The following SEMA4B variants were observed in gnomAD, a reference collection of about 807,000 sequenced individuals.
SEMA4B encodes semaphorin 4B.
SEMA4B carries 55 observed loss-of-function variants against 88.1 expected under a neutral mutation model. That is an observed-to-expected ratio of 0.62 (90% CI 0.50 to 0.78). SEMA4B has a LOEUF of 0.78. Ranked by LOEUF, SEMA4B falls within the 30% of genes least tolerant of loss-of-function variation. The probability of loss-of-function intolerance (pLI) is 0.00; values close to 1 mark genes in which losing one functional copy is unlikely to be tolerated. For synonymous variants in SEMA4B, 525 were observed against 473.6 expected (o/e 1.11, Z -1.41); for missense variants, 1,062 against 1,111.9 (o/e 0.96, Z 0.64).
chr15:90,199,154 G>A (rs562272548), upstream of SEMA4B, among the ~76,000 whole-genome samples: 2 of 152,062 alleles, frequency 1.3e-5, no homozygotes, highest in African/African-American at 2.4e-5. Context: ...GATTACAGGC[G>A]TGAGCCACCA....
chr15:90,225,503 A>C, intron 11 of SEMA4B, 106 bp downstream of exon 11: 1 of 1,302,424 alleles, frequency 7.7e-7, no homozygotes, highest in Non-Finnish European at 1.1e-6. Flanking sequence ...GGAGGATGGA[A>C]AGATAAAGGA....
intron 1 of SEMA4B, among the ~76,000 whole-genome samples, chr15:90,188,483 C>T (rs1198323203): frequency 1.3e-5 from 2 of 149,722 alleles, no homozygotes; most frequent in African/African-American, 4.9e-5. Context: ...CAAAAATTAG[C>T]CAGGCATGGT....
At chr15:90,221,815 C>G (rs751091769) in intron 7 of SEMA4B, 50 bp downstream of exon 7, 2 of 1,583,212 alleles carry the variant, frequency 1.3e-6, no homozygotes, top group South Asian at 1.1e-5. Flanking sequence ...CTCAAAGCCT[C>G]CACAGCTGCA....
At chr15:90,216,542 A>G (rs565467522) in intron 1 of SEMA4B, among the ~76,000 whole-genome samples, 1 of 152,320 alleles carries the variant, frequency 6.6e-6, no homozygotes, top group East Asian at 1.9e-4. Flanking sequence ...TCTGAGGTCA[A>G]AATTGAAAAC....
At chr15:90,215,130 A>G (rs898725614) in intron 1 of SEMA4B, among the ~76,000 whole-genome samples, 4 of 152,034 alleles carry the variant, frequency 2.6e-5, no homozygotes, top group African/African-American at 9.7e-5. Flanking sequence ...TGTTCTCATC[A>G]GCTGCTTAGA....
In SEMA4B at chr15:90,225,676, G is replaced by T; in HGVS notation, c.1537G>T (p.Ala513Ser). ...LDTHRGLLYA[A>S]SHSGVVQVPM... is the part of the protein sequence containing the mutation. ...GGCTGTGCAGGGGCTGCTGTATGCG[G>T]CCTCACACTCGGGCGTAGTCCAGGT... The change falls in exon 12 of 14, where the codon GCC (alanine) becomes TCC (serine). Residue 513 changes from alanine (A) to serine (S), a missense_variant. Transcript: ENST00000411539. The T allele has an allele frequency of 6.4e-7, 1 of 1,566,582 alleles. No homozygotes were observed. The highest frequency in any genetic ancestry group is 8.6e-7 in the Non-Finnish European group (1 of 1,156,772).
At position 90,201,531 on chromosome 15, in the gene SEMA4B, G is replaced by A. The variant is rs1453893526; in HGVS notation, c.-48G>A. On this transcript the variant is annotated 5_prime_UTR_variant, in exon 1 of 14. Transcript: ENST00000411539. ...GGAGCTGCCGCCCGTGAGTCCGGCC[G>A]AGCCACCTGAGCCCGAGCCGCGGGA... 3.7e-6 allele frequency: 5 copies of A among 1,357,512 alleles called. No individual in the cohort carries two copies. In the South Asian group the frequency reaches 5.3e-5, roughly 14 times the overall value. The allele number at this position is 1,357,512 out of a possible 1,614,324, so 84.1% of individuals were successfully genotyped here.
rs1428324687 is a variant in SEMA4B, at chr15:90,225,275, A to G, written c.1406-7A>G. 6.4e-7 allele frequency: 1 copy of G among 1,555,262 alleles called. No individual in the cohort carries two copies. The highest frequency in any genetic ancestry group is 1.2e-5 in the South Asian group (1 of 84,480). On this transcript the variant is annotated splice_polypyrimidine_tract_variant and splice_region_variant and intron_variant, in intron 10 of 13. Coordinates refer to ENST00000411539, the MANE Select transcript of SEMA4B (RefSeq NM_198925.4). ...CACCCAGGGCCTGAGTCCTGTCCAC[A>G]CCCCAGGTGACGGCCGGCTCCACAA...
chr15:90,221,489 C>T lies in SEMA4B; in HGVS notation c.709+9C>T. The T allele has an allele frequency of 6.2e-7, 1 of 1,600,464 alleles. No homozygotes were observed. Among genetic ancestry groups the T allele is most frequent in the Admixed American group, 1.7e-5 (1 of 57,262 alleles). On this transcript the variant is annotated intron_variant, in intron 6 of 13. Transcript: ENST00000411539. ...CCTCAACTGGCTGCAAGGTGAAGTC[C>T]TCTTGCCACCACCCAGAGGGCAGGG...
chr15:90,225,437 G>C (rs1428003663), intron 11 of SEMA4B, 40 bp downstream of exon 11: 9 of 1,523,666 alleles, frequency 5.9e-6, no homozygotes, highest in Non-Finnish European at 8.0e-6. Flanking sequence ...GGTACTTGGG[G>C]GGTGCCCTCC....
At chr15:90,187,267 G>A (rs1344034121) in intron 1 of SEMA4B, among the ~76,000 whole-genome samples, 1 of 152,260 alleles carries the variant, frequency 6.6e-6, no homozygotes, top group African/African-American at 2.4e-5. Flanking sequence ...CTCTAGTCCT[G>A]CCTCTATCCG....
upstream of SEMA4B, among the ~76,000 whole-genome samples, chr15:90,196,792 T>TAC (rs1243316347): frequency 1.2e-4 from 19 of 152,226 alleles, no homozygotes; most frequent in African/African-American, 4.6e-4. Flanking sequence ...CGGCCTCTTC[T>TAC]ACATTATTAA....
intron 1 of SEMA4B, among the ~76,000 whole-genome samples, chr15:90,206,146 G>A (rs988674654): frequency 6.6e-6 from 1 of 152,204 alleles, no homozygotes; most frequent in African/African-American, 2.4e-5. Flanking sequence ...GCTAGACTCG[G>A]GTCATGTCAT....
intron 1 of SEMA4B, chr15:90,185,121 C>T: frequency 2.1e-6 from 2 of 959,914 alleles, no homozygotes; most frequent in South Asian, 4.8e-5. Context: ...GAGCCGCTGC[C>T]CGGGAGGTGG....
chr15:90,218,049 A>T, intron 3 of SEMA4B: 1 of 508,098 alleles, frequency 2.0e-6, no homozygotes, highest in Non-Finnish European at 3.6e-6. Context: ...TAGTGGGCCC[A>T]CCTGTAAAAT....
chr15:90,222,405 A>G (rs529334028), intron 7 of SEMA4B, among the ~76,000 whole-genome samples: 1 of 151,634 alleles, frequency 6.6e-6, no homozygotes, highest in South Asian at 2.1e-4. Context: ...CCCCATCTCT[A>G]CTAATAATAC....
chr15:90,225,005 C>T lies in SEMA4B; in HGVS notation c.1232C>T (p.Ser411Leu). 6.2e-7 allele frequency: 1 copy of T among 1,614,020 alleles called. No homozygotes were observed. Among genetic ancestry groups the T allele is most frequent in the Non-Finnish European group, 8.5e-7 (1 of 1,179,890 alleles). ...AGTGCCCGGGAAAGGAAGATCAACT[C>T]ATCCCTGCAGCTCCCAGACCGCGTG... ...TNSARERKIN[S>L]SLQLPDRVLN... Residue 411 changes from serine to leucine, a missense_variant, in exon 10 of 14, where the codon TCA becomes TTA. Transcript: ENST00000411539.
chr15:90,195,203 C>G (rs970024847), intron 1 of SEMA4B, among the ~76,000 whole-genome samples: 3 of 152,016 alleles, frequency 2.0e-5, no homozygotes, highest in African/African-American at 4.8e-5. Flanking sequence ...AGGTGATCCT[C>G]CCACCTCAGC....
intron 1 of SEMA4B, among the ~76,000 whole-genome samples, chr15:90,195,835 CCT>C (rs1960481614): frequency 6.6e-6 from 1 of 151,930 alleles, no homozygotes; most frequent in South Asian, 2.1e-4. Context: ...GTCCCGAACC[CCT>C]GAGCTCAGGC....
Sources: gnomAD v4.1 joint callset for allele counts (sites outside exome capture counted in the v4.1 genomes callset) on GRCh38, gnomAD v4.1.1 for gene constraint, MANE v1.5 for transcripts, NCBI Gene and HGNC (gene_info 2026-07-23, HGNC 2026-07-21) for gene names.